Variants in TBC1D16 observed in about 807,000 individuals in gnomAD.
TBC1D16 encodes the protein TBC1 domain family member 16.
In TBC1D16, 58 loss-of-function variants were observed where a neutral mutation model predicts 74.7. The observed-to-expected ratio is 0.78, with a 90% CI of 0.63 to 0.97. TBC1D16 has a LOEUF of 0.97. TBC1D16 is among the 50% of genes least tolerant of loss of function. The pLI is 0.00. For synonymous variants in TBC1D16, 493 were observed against 474.7 expected (o/e 1.04, Z -0.50); for missense variants, 1,014 against 1,079.5 (o/e 0.94, Z 0.85).
intron 3 of TBC1D16, among the ~76,000 whole-genome samples, chr17:79,972,422 G>A (rs904507757): frequency 6.6e-6 from 1 of 152,016 alleles, no homozygotes; most frequent in Non-Finnish European, 1.5e-5. Flanking sequence ...TGGTCCACCC[G>A]CCTTGGCCTC....
At chr17:80,014,901 C>T (rs143422276) in intron 1 of TBC1D16, among the ~76,000 whole-genome samples, 1,955 of 152,244 alleles carry the variant, frequency 0.013, 20 homozygotes, top group Middle Eastern at 0.034. Context: ...GTGGGTAAGA[C>T]GACCTGGGAC....
chr17:79,976,961 G>A (rs920414733), intron 3 of TBC1D16, among the ~76,000 whole-genome samples: 6 of 152,188 alleles, frequency 3.9e-5, no homozygotes, highest in African/African-American at 1.2e-4. Context: ...AACACGGGAT[G>A]GGGCAGTTTC....
At chr17:79,962,544 G>A (rs931119459) in intron 3 of TBC1D16, among the ~76,000 whole-genome samples, 112 of 151,876 alleles carry the variant, frequency 7.4e-4, no homozygotes, top group African/African-American at 2.6e-3. Context: ...GTACAGTTCA[G>A]GTATTAAATA....
chr17:79,940,692 A>T lies in TBC1D16; in HGVS notation c.*167T>A, dbSNP rs2031892266. 2.4e-6 allele frequency: 2 copies of T among 820,756 alleles called. No homozygotes were observed. Among genetic ancestry groups the T allele is most frequent in the East Asian group, 6.1e-5 (2 of 32,752 alleles). 50.8% of individuals were successfully genotyped at this position (820,756 alleles called of 1,614,324 possible). On this transcript the variant is annotated 3_prime_UTR_variant, in exon 12 of 12. Coordinates refer to ENST00000310924, the MANE Select transcript of TBC1D16 (RefSeq NM_019020.4). The surrounding 1 kb of genome is among the most constrained non-coding windows in gnomAD (Gnocchi z 5.4). ...TAGATCTGACTTCTGTCACTTCCAG[A>T]CTCTAATTTTGTCATTAATATGAAA...
At chr17:79,991,269 C>A (rs2035047842) in intron 3 of TBC1D16, among the ~76,000 whole-genome samples, 1 of 152,200 alleles carries the variant, frequency 6.6e-6, no homozygotes. Context: ...CTGTGTCAGG[C>A]CTCCCACCCA....
At chr17:79,968,257 G>T (rs1340286153) in intron 3 of TBC1D16, among the ~76,000 whole-genome samples, 9 of 152,224 alleles carry the variant, frequency 5.9e-5, no homozygotes, top group Admixed American at 5.9e-4. Flanking sequence ...GCCTCCCAAA[G>T]GGATTATAGG....
chr17:80,003,989 C>T (rs1265073668), intron 3 of TBC1D16, among the ~76,000 whole-genome samples: 1 of 152,242 alleles, frequency 6.6e-6, no homozygotes, highest in South Asian at 2.1e-4. Flanking sequence ...GTGGAGGCTG[C>T]AGTGAGCTGT....
In TBC1D16 at chr17:79,945,237, C is replaced by G. The variant is rs377597591; in HGVS notation, c.1729-150G>C. The G allele has an allele frequency of 1.4e-4, 116 of 813,534 alleles. 1 individual carries two copies. Among genetic ancestry groups the G allele is most frequent in the East Asian group, 5.2e-4 (19 of 36,664 alleles). The allele number at this position is 813,534 out of a possible 1,614,324, so 50.4% of individuals were successfully genotyped here. ...CTACCTGCTGCATGTGCCTGCCCCC[C>G]CAACGCTCCATTCCGCCGCTGGAAT... On this transcript the variant is annotated intron_variant, in intron 9 of 11. Coordinates refer to ENST00000310924, the MANE Select transcript of TBC1D16 (RefSeq NM_019020.4).
At chr17:80,030,867 G>A (rs562585271) in intron 1 of TBC1D16, among the ~76,000 whole-genome samples, 1 of 152,362 alleles carries the variant, frequency 6.6e-6, no homozygotes, top group East Asian at 1.9e-4. Flanking sequence ...AACACGCACT[G>A]AGCCCGGTCA....
rs796463708 is a variant in TBC1D16, at chr17:80,024,592, C to CCATAAGCACACACACCA, written c.-62-10984_-62-10983insTGGTGTGTGTGCTTATG. On this transcript the variant is annotated intron_variant, in intron 1 of 11. Transcript: ENST00000310924. ...ACACCATAGGCACACACACCACACA[C>CCATAAGCACACACACCA]CACACACCATAGACACACACACCAC... is the stretch of plus-strand genomic sequence containing the variant. Among the ~76,000 whole-genome samples, 42 of 116,022 alleles carry CCATAAGCACACACACCA rather than the reference C, an allele frequency of 3.6e-4. 1 individual carries two copies. Among genetic ancestry groups the CCATAAGCACACACACCA allele is most frequent in the Admixed American group, 2.3e-3 (27 of 11,926 alleles). The allele number at this position is 116,022 out of a possible 152,430, so 76.1% of individuals were successfully genotyped here.
At position 80,010,227 on chromosome 17, in the gene TBC1D16, A is replaced by G; in HGVS notation, c.712T>C (p.Cys238Arg). The G allele has an allele frequency of 6.2e-7, 1 of 1,613,394 alleles. No homozygotes were observed. The highest frequency in any genetic ancestry group is 8.5e-7 in the Non-Finnish European group (1 of 1,179,850). ...AGCGCCGCGCTGATGGGCGAGAGGC[A>G]GAAGGGCGAGGAGAAGGTGTCTGAG... Reference protein sequence around the residue: ...SDSDTFSSPFCLSPISAALAE... With the variant: ...SDSDTFSSPFRLSPISAALAE... Residue 238 changes from cysteine (C) to arginine (R), a missense_variant, in exon 3 of 12, where the codon TGC becomes CGC. Transcript: ENST00000310924. The surrounding 1 kb of genome is among the most constrained non-coding windows in gnomAD (Gnocchi z 8.8).
At chr17:79,984,026 CCTGA>C (rs1339519751) in intron 3 of TBC1D16, among the ~76,000 whole-genome samples, 2 of 118,090 alleles carry the variant, frequency 1.7e-5, no homozygotes, top group Non-Finnish European at 3.3e-5. Flanking sequence ...CACCACAGCA[CCTGA>C]CTATTTATTT....
At chr17:79,963,757 T>C (rs34393259) in intron 3 of TBC1D16, among the ~76,000 whole-genome samples, 36 of 152,354 alleles carry the variant, frequency 2.4e-4, no homozygotes, top group Admixed American at 3.9e-4. Flanking sequence ...TTTTTATTTT[T>C]TGATAGTAGC....
At chr17:79,943,917 C>CT (rs990361503) in intron 10 of TBC1D16, 48 of 1,434,394 alleles carry the variant, frequency 3.3e-5, no homozygotes, top group Non-Finnish European at 3.9e-5. Flanking sequence ...GGAATGAAGC[C>CT]TCTCAGACCG....
chr17:79,953,506 C>A, intron 3 of TBC1D16, among the ~76,000 whole-genome samples: 1 of 152,158 alleles, frequency 6.6e-6, no homozygotes, highest in Non-Finnish European at 1.5e-5. Flanking sequence ...AAAGAAGAGG[C>A]AACTGGGGCC....
rs143196109 is a variant in TBC1D16, at chr17:79,985,473, C to T, written c.779+24687G>A. On this transcript the variant is annotated intron_variant, in intron 3 of 11. Transcript: ENST00000310924. This position sits in a 1 kb window ranked among gnomAD's most constrained non-coding sequence, Gnocchi z 4.9. ...ACTTTTTTTGGACAGGGAAGCTCGG[C>T]TGTGGGTGCGAAGCAGGACTGCCCC... Among the ~76,000 whole-genome samples, 52 of 152,306 alleles carry T rather than the reference C, an allele frequency of 3.4e-4. No individual in the cohort carries two copies. In the East Asian group the frequency reaches 9.3e-3, roughly 27 times the overall value.
chr17:79,935,959 G>T lies in TBC1D16; in HGVS notation c.*4900C>A, dbSNP rs984232434. ...ATGCTACCTTCCTACCCGGAAATGC[G>T]ACACACTATACTTAAAAGGCCAGAT... On this transcript the variant is annotated 3_prime_UTR_variant, in exon 12 of 12. Transcript: ENST00000310924. 5 of 152,150 alleles carry T rather than the reference G, an allele frequency of 3.3e-5. No homozygotes were observed. The highest frequency in any genetic ancestry group is 1.2e-4 in the African/African-American group (5 of 41,416). The allele number at this position is 152,150 out of a possible 1,614,324, so 9.4% of individuals were successfully genotyped here. A position where few individuals can be genotyped will look rare whatever the true frequency, so the allele number is the denominator to read the frequency against.
At chr17:80,021,191 G>A (rs189780529) in intron 1 of TBC1D16, among the ~76,000 whole-genome samples, 5 of 149,466 alleles carry the variant, frequency 3.3e-5, no homozygotes, top group Admixed American at 2.0e-4. Flanking sequence ...GGTGGAGGTT[G>A]CAGTGAGCCG....
At chr17:79,968,593 C>T (rs1330850177) in intron 3 of TBC1D16, among the ~76,000 whole-genome samples, 1 of 152,144 alleles carries the variant, frequency 6.6e-6, no homozygotes, top group African/African-American at 2.4e-5. Flanking sequence ...GTGGCTCACG[C>T]CTGTAATCCC....
Sources: gnomAD v4.1 joint callset for allele counts (sites outside exome capture counted in the v4.1 genomes callset) on GRCh38, gnomAD v4.1.1 for gene constraint, Gnocchi (gnomAD v3.1) non-coding constraint, MANE v1.5 for transcripts, NCBI Gene and HGNC (gene_info 2026-07-23, HGNC 2026-07-21) for gene names.